Variants in ATP9A observed in about 807,000 individuals in gnomAD.
ATP9A encodes the protein probable phospholipid-transporting ATPase IIA.
Under a neutral mutation model 144.1 loss-of-function variants are expected in ATP9A, and 52 were observed. That is an observed-to-expected ratio of 0.36 (90% CI 0.29 to 0.45). The LOEUF (loss-of-function observed/expected upper bound fraction) is 0.45, where lower values mean the gene tolerates loss of function less well. ATP9A is among the 20% of genes least tolerant of loss of function. ATP9A has a pLI of 1.00. For missense variants in ATP9A, 947 were observed against 1,392.7 expected, an observed-to-expected ratio of 0.68 and a Z score of 5.09; for synonymous variants, 582 against 557.4, an observed-to-expected ratio of 1.04 and a Z score of -0.62.
In ATP9A at chr20:51,685,027, A is replaced by T. The variant is rs1423643179; in HGVS notation, c.799+4037T>A. 2.0e-4 allele frequency among the ~76,000 whole-genome samples: 31 copies of T among 151,904 alleles called. 1 individual carries two copies. The East Asian group carries it at 3.7e-3, about 18-fold the overall frequency. On this transcript the variant is annotated intron_variant, in intron 9 of 27. Coordinates refer to ENST00000338821, the MANE Select transcript of ATP9A (RefSeq NM_006045.3). ...CTCCATCTCCAAAAATAAAAAAAAA[A>T]AAAAAAAAAAAAATACAAATAAATA... is the stretch of plus-strand genomic sequence containing the variant.
intron 14 of ATP9A, among the ~76,000 whole-genome samples, chr20:51,643,451 G>A (rs996464617): frequency 7.2e-5 from 11 of 152,344 alleles, no homozygotes; most frequent in African/African-American, 2.6e-4. Context: ...AGCAGTTGGA[G>A]ATGGGGCCTC....
In ATP9A at chr20:51,622,074, C is replaced by T. The variant is rs1358244804; in HGVS notation, c.2115G>A (p.Leu705=). 1 of 1,613,812 alleles carries T rather than the reference C, an allele frequency of 6.2e-7. No homozygotes were observed. The highest frequency in any genetic ancestry group is 2.2e-5 in the East Asian group (1 of 44,878). Residue 705 remains leucine, a splice_region_variant and synonymous_variant, in exon 19 of 28, where the codon CTG becomes CTA. Transcript: ENST00000338821. ...TRNQDIHVFR[L]VTNRGEAHLE... is the part of the protein sequence containing the mutation. ...GGCCCTAACGCAGAGGACACTTTAC[C>T]AGCCGAAAAACGTGGATGTCTTGGT...
Position 51,619,575 on chromosome 20 carries a change from AAGGG to A in ATP9A, c.2116-536_2116-533del, listed in dbSNP as rs1322764618. 2.9e-4 allele frequency among the ~76,000 whole-genome samples: 34 copies of A among 116,620 alleles called. 1 individual carries two copies. The highest frequency in any genetic ancestry group is 6.3e-4 in the African/African-American group (20 of 31,692). The allele number at this position is 116,620 out of a possible 152,430, so 76.5% of individuals were successfully genotyped here. ...CAAGACTCGTCTTTTAAAAAAAAAA[AAGGG>A]GGGGGGGGGCCAGGTACGGTGGCTC... On this transcript the variant is annotated intron_variant, in intron 19 of 27. Transcript: ENST00000338821.
At position 51,694,653 on chromosome 20, in the gene ATP9A, G is replaced by A. The variant is rs117459720; in HGVS notation, c.548-551C>T. ...TGACAATTAAAGAGCTGATTCGTGC[G>A]CAGAGTTCAGAACAGGACTGATCGA... On this transcript the variant is annotated intron_variant, in intron 6 of 27. Transcript: ENST00000338821. 1.6e-3 allele frequency among the ~76,000 whole-genome samples: 241 copies of A among 152,292 alleles called. 7 individuals carry two copies. The East Asian group carries it at 0.031, about 20-fold the overall frequency.
At chr20:51,759,533 C>T (rs1266468391) in intron 1 of ATP9A, among the ~76,000 whole-genome samples, 2 of 151,988 alleles carry the variant, frequency 1.3e-5, no homozygotes, top group East Asian at 1.9e-4. Context: ...ATTAGCTAGG[C>T]GTGGTGGCGG....
intron 27 of ATP9A, 92 bp from the exon 28 acceptor site, chr20:51,601,439 A>G: frequency 1.5e-6 from 2 of 1,323,478 alleles, no homozygotes; most frequent in Non-Finnish European, 2.0e-6. Flanking sequence ...TATCAAAGGG[A>G]AAGTCATCTC....
chr20:51,717,270 A>T (rs2077666457), intron 3 of ATP9A, among the ~76,000 whole-genome samples: 1 of 152,096 alleles, frequency 6.6e-6, no homozygotes, highest in Non-Finnish European at 1.5e-5. Flanking sequence ...AAATGAGGCA[A>T]CTTTCAGAGT....
intron 1 of ATP9A, among the ~76,000 whole-genome samples, chr20:51,760,489 G>A (rs1049492812): frequency 2.6e-5 from 4 of 152,176 alleles, no homozygotes; most frequent in African/African-American, 7.2e-5. Context: ...CACTTTGGGA[G>A]GCCAAGGCAG....
In ATP9A at chr20:51,717,107, A is replaced by AGT. The variant is rs1397315241; in HGVS notation, c.328-4035_328-4034dup. Among the ~76,000 whole-genome samples the AGT allele has an allele frequency of 3.0e-3, 444 of 149,262 alleles. 2 individuals carry two copies. The highest frequency in any genetic ancestry group is 1.0e-2 in the African/African-American group (405 of 40,612). On this transcript the variant is annotated intron_variant, in intron 3 of 27. Transcript: ENST00000338821. Reference sequence around the variant, plus strand: ...GAATCGCTTGAACCTGAAAGGCGGAAGTTACAGTGAGCTGAGATCTCACCA... The same window carrying AGT: ...GAATCGCTTGAACCTGAAAGGCGGAAGTGTTACAGTGAGCTGAGATCTCACCA...
rs190609117 is a variant in ATP9A at position 51,751,835 on chromosome 20, G to A, written c.68+16467C>T. Among the ~76,000 whole-genome samples the A allele has an allele frequency of 2.9e-3, 443 of 152,080 alleles. 8 individuals are homozygous for A. Among genetic ancestry groups the A allele is most frequent in the Admixed American group, 0.026 (391 of 15,276 alleles). On this transcript the variant is annotated intron_variant, in intron 1 of 27. Coordinates refer to ENST00000338821, the MANE Select transcript of ATP9A (RefSeq NM_006045.3). ...GATCTCCTGACCTCGTGATCCGCCC[G>A]CCTCGGCCTCCCAAAGTGCTGGGAT...
rs756587295 is a variant in ATP9A at position 51,671,175 on chromosome 20, G to A, written c.1120C>T (p.Arg374Cys). Reference sequence around the variant, plus strand: ...AGCTGCTCAGGAATCGTGCTGGAGCGAACCACGGTCCCGGGGATTTTCGAG... The same window carrying A: ...AGCTGCTCAGGAATCGTGCTGGAGCAAACCACGGTCCCGGGGATTTTCGAG... ...RDSKIPGTVV[R>C]SSTIPEQLGR... is the part of the protein sequence containing the mutation. The change falls in exon 12 of 28, where the codon CGC becomes TGC. Residue 374 changes from arginine to cysteine, a missense_variant. Arg to Cys is a radical substitution (Grantham distance 180, BLOSUM62 -3). Transcript: ENST00000338821. The A allele has an allele frequency of 3.1e-6, 5 of 1,614,068 alleles. No individual in the cohort carries two copies. The highest frequency in any genetic ancestry group is 4.2e-6 in the Non-Finnish European group (5 of 1,179,988).
intron 1 of ATP9A, among the ~76,000 whole-genome samples, chr20:51,754,947 T>TAA (rs555019652): frequency 3.5e-4 from 49 of 138,252 alleles, no homozygotes; most frequent in African/African-American, 1.2e-3. Context: ...CCATCCCTAC[T>TAA]AAAAAAAAAA....
chr20:51,645,245 C>T (rs1247415755), intron 14 of ATP9A, among the ~76,000 whole-genome samples: 4 of 152,118 alleles, frequency 2.6e-5, no homozygotes, highest in African/African-American at 4.8e-5. Flanking sequence ...CAGGATCTGG[C>T]GAGGTGGCTC....
rs555782522 is a variant in ATP9A, at chr20:51,650,160, G to A, written c.1506+6778C>T. On this transcript the variant is annotated intron_variant, in intron 14 of 27. Transcript: ENST00000338821. ...CAGTGCAATGATATTCCATGTCCTG[G>A]CACATTTGTAAAAACTGAGCTACTA... Among the ~76,000 whole-genome samples the A allele has an allele frequency of 8.5e-5, 13 of 152,268 alleles. No homozygotes were observed. In the East Asian group the frequency reaches 1.2e-3, roughly 14 times the overall value.
intron 3 of ATP9A, among the ~76,000 whole-genome samples, chr20:51,721,078 A>G (rs933930454): frequency 1.3e-5 from 2 of 152,204 alleles, no homozygotes; most frequent in Non-Finnish European, 2.9e-5. Flanking sequence ...GTTTGTGTGG[A>G]AGAAATGACC....
chr20:51,733,693 TA>T (rs1239160902), intron 1 of ATP9A, among the ~76,000 whole-genome samples: 3,244 of 151,548 alleles, frequency 0.021, 40 homozygotes, highest in Middle Eastern at 0.051. Context: ...AATTTTTTTT[TA>T]AATTAAAAAA....
chr20:51,763,077 C>A (rs2077888269), intron 1 of ATP9A, among the ~76,000 whole-genome samples: 1 of 151,986 alleles, frequency 6.6e-6, no homozygotes, highest in Non-Finnish European at 1.5e-5. Flanking sequence ...ATTAAAGCAG[C>A]CAGACACAAA....
intron 15 of ATP9A, among the ~76,000 whole-genome samples, chr20:51,638,825 A>T (rs1456189865): frequency 2.0e-5 from 3 of 152,296 alleles, no homozygotes; most frequent in Middle Eastern, 3.4e-3. Context: ...AAAAATTTTT[A>T]AAAGAGCCAG....
At chr20:51,648,115 T>C (rs2077349097) in intron 14 of ATP9A, among the ~76,000 whole-genome samples, 1 of 152,206 alleles carries the variant, frequency 6.6e-6, no homozygotes, top group Non-Finnish European at 1.5e-5. Context: ...AGCTCATTCA[T>C]GCACACATCT....
Sources: allele counts gnomAD v4.1 joint callset (sites outside exome capture counted in the v4.1 genomes callset), GRCh38; gene constraint gnomAD v4.1.1; transcripts MANE v1.5; gene names NCBI Gene and HGNC (gene_info 2026-07-23, HGNC 2026-07-21).